Variants in HDAC9 observed in about 807,000 individuals in gnomAD.
HDAC9 encodes MEF-2 interacting transcription repressor (MITR) protein.
HDAC9 carries 41 observed loss-of-function variants against 139.4 expected under a neutral mutation model. The ratio of observed to expected loss-of-function variants is 0.29; its 90% CI spans 0.23 to 0.38. The LOEUF is 0.38. Ranked by LOEUF, HDAC9 falls within the 10% of genes least tolerant of loss-of-function variation. The pLI is 1.00. For missense variants in HDAC9, 1,147 were observed against 1,297.0 expected (o/e 0.88, Z 1.78); for synonymous variants, 517 against 476.2 (o/e 1.09, Z -1.12).
chr7:18,480,960 C>T (rs1563030815), intron 1 of HDAC9, among the ~76,000 whole-genome samples: 1 of 152,168 alleles, frequency 6.6e-6, no homozygotes. Flanking sequence ...ATGCTGTAGG[C>T]TCATGGCAGG....
intron 11 of HDAC9, among the ~76,000 whole-genome samples, chr7:18,664,421 G>C (rs1794187761): frequency 6.6e-6 from 1 of 152,056 alleles, no homozygotes; most frequent in African/African-American, 2.4e-5. Context: ...TTTTTCCTAA[G>C]TTATATTTTA....
At chr7:18,988,774 T>C (rs1785603081) in intron 25 of HDAC9, among the ~76,000 whole-genome samples, 2 of 151,854 alleles carry the variant, frequency 1.3e-5, no homozygotes, top group South Asian at 2.1e-4. Flanking sequence ...ATATTTAGGA[T>C]AGTTAGCTCT....
chr7:18,376,755 T>C (rs10486298), intron 1 of HDAC9, among the ~76,000 whole-genome samples: 48,019 of 151,880 alleles, frequency 0.32, 8,123 homozygotes, highest in East Asian at 0.46. Context: ...TTCTACTTTA[T>C]GGTCACTTTA....
intron 1 of HDAC9, among the ~76,000 whole-genome samples, chr7:18,357,624 A>G (rs1035323036): frequency 2.6e-5 from 4 of 151,724 alleles, no homozygotes; most frequent in Non-Finnish European, 5.9e-5. Context: ...GTAAGTATAT[A>G]TAACCTTTGG....
intron 1 of HDAC9, among the ~76,000 whole-genome samples, chr7:18,475,096 C>A (rs1436861654): frequency 6.6e-6 from 1 of 152,186 alleles, no homozygotes; most frequent in African/African-American, 2.4e-5. Context: ...GCTGTAGTGT[C>A]ATGGTCAGGA....
intron 16 of HDAC9, 121 bp from the exon 17 acceptor site, chr7:18,793,224 A>G: frequency 1.4e-6 from 1 of 694,770 alleles, no homozygotes; most frequent in East Asian, 2.7e-5. Flanking sequence ...CCTTCCTCAC[A>G]GATTTGCTTT....
chr7:18,830,519 T>C (rs1795784390), intron 19 of HDAC9, among the ~76,000 whole-genome samples: 1 of 152,206 alleles, frequency 6.6e-6, no homozygotes, highest in African/African-American at 2.4e-5. Flanking sequence ...TAAATCTTAT[T>C]GGAAGTCACG....
At chr7:18,113,161 A>G (rs929190602) in intron 1 of HDAC9, among the ~76,000 whole-genome samples, 14 of 152,240 alleles carry the variant, frequency 9.2e-5, no homozygotes, top group African/African-American at 3.4e-4. Flanking sequence ...AAAATCACGT[A>G]CATCAGTGAA....
In HDAC9 at chr7:18,128,573, G is replaced by A. The variant is rs182628271; in HGVS notation, c.-96-33656G>A. Among the ~76,000 whole-genome samples the A allele has an allele frequency of 2.0e-5, 3 of 152,038 alleles. No individual in the cohort carries two copies. In the South Asian group the frequency reaches 6.2e-4, roughly 32 times the overall value. On this transcript the variant is annotated intron_variant, in intron 1 of 12. Coordinates refer to the HDAC9 transcript ENST00000417496. ...TAGGGTAGCTGAGTGATTACAAAAA[G>A]CATCTGAACTATGTGCAGATGCCTT...
intron 1 of HDAC9, among the ~76,000 whole-genome samples, chr7:18,128,333 G>A (rs1562649530): frequency 6.6e-6 from 1 of 152,066 alleles, no homozygotes; most frequent in African/African-American, 2.4e-5. Context: ...TAATGTGGCT[G>A]CAATAAGAAT....
intron 21 of HDAC9, among the ~76,000 whole-genome samples, chr7:18,862,061 A>C (rs1798147861): frequency 6.6e-6 from 1 of 152,210 alleles, no homozygotes; most frequent in Non-Finnish European, 1.5e-5. Flanking sequence ...GTGATAATTT[A>C]GCCCCCAAAA....
At chr7:18,261,257 A>G (rs1344819827) in intron 2 of HDAC9, among the ~76,000 whole-genome samples, 2 of 152,156 alleles carry the variant, frequency 1.3e-5, no homozygotes, top group Non-Finnish European at 2.9e-5. Context: ...GCAGTGAGCC[A>G]TGATCATGTC....
intron 23 of HDAC9, among the ~76,000 whole-genome samples, chr7:18,941,132 G>A (rs1190505735): frequency 6.6e-6 from 1 of 151,238 alleles, no homozygotes; most frequent in Non-Finnish European, 1.5e-5. Flanking sequence ...TTTAAAATTT[G>A]GATTCTGATT....
intron 25 of HDAC9, among the ~76,000 whole-genome samples, chr7:18,982,626 A>C (rs764901966): frequency 2.0e-5 from 3 of 152,076 alleles, no homozygotes; most frequent in Non-Finnish European, 2.9e-5. Context: ...TGCTTCTGCC[A>C]CTTCCCAGTC....
At chr7:18,920,617 A>G (rs1262085357) in intron 22 of HDAC9, among the ~76,000 whole-genome samples, 5 of 152,130 alleles carry the variant, frequency 3.3e-5, no homozygotes, top group African/African-American at 9.7e-5. Context: ...TCAGTAAGAT[A>G]TTGGCTGTGG....
chr7:18,861,676 G>T (rs1452678353), intron 21 of HDAC9, among the ~76,000 whole-genome samples: 1 of 152,112 alleles, frequency 6.6e-6, no homozygotes, highest in African/African-American at 2.4e-5. Flanking sequence ...CTGGCTACGT[G>T]ACACATCTTA....
At chr7:18,176,856 T>C (rs537387832) in intron 2 of HDAC9, among the ~76,000 whole-genome samples, 20 of 152,360 alleles carry the variant, frequency 1.3e-4, no homozygotes, top group Admixed American at 9.8e-4. Flanking sequence ...TTTGGCTTTA[T>C]GTTTAAAGTG....
chr7:18,827,060 C>T (rs1295963201), intron 17 of HDAC9, among the ~76,000 whole-genome samples: 2 of 151,476 alleles, frequency 1.3e-5, no homozygotes, highest in African/African-American at 4.9e-5. Context: ...CAAGACAAGC[C>T]TGGGCAACAT....
At chr7:18,300,264 TC>T in intron 1 of HDAC9, among the ~76,000 whole-genome samples, 1 of 152,214 alleles carries the variant, frequency 6.6e-6, no homozygotes, top group Admixed American at 6.5e-5. Flanking sequence ...AGACAGTTCT[TC>T]CAGTCCGTGG....
Sources: gnomAD v4.1 joint callset for allele counts (sites outside exome capture counted in the v4.1 genomes callset) on GRCh38, gnomAD v4.1.1 for gene constraint, MANE v1.5 for transcripts, NCBI Gene and HGNC (gene_info 2026-07-23, HGNC 2026-07-21) for gene names.